Variants in OCA2 observed in about 807,000 individuals in gnomAD.
OCA2 encodes OCA2 melanosomal transmembrane protein, also known as P protein.
Under a neutral mutation model 100.2 loss-of-function variants are expected in OCA2, and 77 were observed. The observed-to-expected ratio is 0.77, with a 90% CI of 0.64 to 0.93. The LOEUF (loss-of-function observed/expected upper bound fraction) is 0.93, where lower values mean the gene tolerates loss of function less well. Ranked by LOEUF, OCA2 falls within the 40% of genes least tolerant of loss-of-function variation. OCA2 has a pLI of 0.00. For synonymous variants in OCA2, 432 were observed against 439.2 expected, an observed-to-expected ratio of 0.98 and a Z score of 0.21; for missense variants, 1,062 against 1,089.1, an observed-to-expected ratio of 0.98 and a Z score of 0.35.
intron 23 of OCA2, among the ~76,000 whole-genome samples, chr15:27,808,568 TAC>T (rs375101036): frequency 7.9e-5 from 12 of 151,940 alleles, no homozygotes; most frequent in African/African-American, 2.4e-4. Context: ...GAACAATCTC[TAC>T]ACTTTAGCGC....
chr15:28,040,355 A>G lies in OCA2; in HGVS notation c.228-8192T>C, dbSNP rs529169098. Among the ~76,000 whole-genome samples, 149 of 152,374 alleles carry G rather than the reference A, an allele frequency of 9.8e-4. 5 individuals are homozygous for G. In the South Asian group the frequency reaches 0.031, roughly 32 times the overall value. ...ATCAAAATTTATGTGGTGCAGTGAA[A>G]GCAGTACTAAAAGGGAAATTTATAG... is the stretch of plus-strand genomic sequence containing the variant. On this transcript the variant is annotated intron_variant, in intron 2 of 23. Coordinates refer to ENST00000354638, the MANE Select transcript of OCA2 (RefSeq NM_000275.3).
intron 6 of OCA2, among the ~76,000 whole-genome samples, chr15:28,020,010 G>A (rs1225963268): frequency 1.3e-5 from 2 of 152,208 alleles, no homozygotes; most frequent in Admixed American, 1.3e-4. Context: ...CTGCGCTGGA[G>A]GACGCAGCAC....
At chr15:27,773,178 G>A (rs2031991454) in intron 23 of OCA2, among the ~76,000 whole-genome samples, 1 of 152,118 alleles carries the variant, frequency 6.6e-6, no homozygotes, top group African/African-American at 2.4e-5. Flanking sequence ...CAGTTTTAAA[G>A]TAGAATCCAG....
chr15:27,782,583 C>A (rs2032599819), intron 23 of OCA2, among the ~76,000 whole-genome samples: 1 of 152,080 alleles, frequency 6.6e-6, no homozygotes, highest in Non-Finnish European at 1.5e-5. Context: ...AAAGAATGCC[C>A]CCTCAAAACT....
chr15:27,865,871 C>T (rs1341900192), intron 21 of OCA2, among the ~76,000 whole-genome samples: 3 of 152,136 alleles, frequency 2.0e-5, no homozygotes, highest in African/African-American at 7.2e-5. Flanking sequence ...ATACTCTCCT[C>T]GTCACTCCCT....
At chr15:27,835,125 T>C (rs2035099284) in intron 23 of OCA2, among the ~76,000 whole-genome samples, 1 of 152,208 alleles carries the variant, frequency 6.6e-6, no homozygotes, top group African/African-American at 2.4e-5. Context: ...GCACATTTCT[T>C]TGGGCCTTTG....
At chr15:27,922,706 T>A (rs1166279507) in intron 19 of OCA2, among the ~76,000 whole-genome samples, 4 of 151,818 alleles carry the variant, frequency 2.6e-5, no homozygotes, top group Non-Finnish European at 4.4e-5. Flanking sequence ...TGTGTGTGTG[T>A]GTGTGTGTGT....
chr15:27,926,138 C>G lies in OCA2; in HGVS notation c.2068G>C (p.Val690Leu). The change falls in exon 19 of 24, where the codon GTT becomes CTT. Residue 690 changes from valine (V) to leucine (L), a missense_variant. By Grantham distance (32) the Val-to-Leu change is conservative. Transcript: ENST00000354638. The stretch of plus-strand genomic sequence containing the variant: ...TTCTAAAATCTTACCTCCATCAGAA[C>G]AAAGAGCGCTGCAAAAAACAGAAGG... ...ATLLFFAALF[V>L]LMEALAHLHL... 1 of 1,614,090 alleles carries G rather than the reference C, an allele frequency of 6.2e-7. No individual in the cohort carries two copies.
At chr15:27,968,846 C>A (rs1200625608) in intron 14 of OCA2, among the ~76,000 whole-genome samples, 1 of 152,156 alleles carries the variant, frequency 6.6e-6, no homozygotes, top group Non-Finnish European at 1.5e-5. Context: ...GAATTCACCA[C>A]TTTCCCGATA....
rs112354538 is a variant in OCA2, at chr15:28,012,373, C to T, written c.1044+2403G>A. 7.9e-3 allele frequency among the ~76,000 whole-genome samples: 1,206 copies of T among 151,984 alleles called. 20 individuals carry two copies. Among genetic ancestry groups the T allele is most frequent in the African/African-American group, 0.028 (1,146 of 41,438 alleles). On this transcript the variant is annotated intron_variant, in intron 9 of 23. Transcript: ENST00000354638. ...GACCTACTGAAAGATTGCCAGGGAACGGATGGGCTGCATGGGGAGGCAGCC... is the reference window on the plus strand; with the variant it reads ...GACCTACTGAAAGATTGCCAGGGAATGGATGGGCTGCATGGGGAGGCAGCC...
At chr15:28,064,900 TG>T (rs1173611798) in intron 2 of OCA2, among the ~76,000 whole-genome samples, 1 of 151,698 alleles carries the variant, frequency 6.6e-6, no homozygotes, top group Non-Finnish European at 1.5e-5. Flanking sequence ...TTGTTGTTGG[TG>T]GCAGTGGTTG....
At chr15:27,771,414 G>A (rs2031847937) in intron 23 of OCA2, among the ~76,000 whole-genome samples, 1 of 145,432 alleles carries the variant, frequency 6.9e-6, no homozygotes, top group African/African-American at 2.6e-5. Context: ...ATACAGCCGC[G>A]CACGGAAATC....
At chr15:27,848,793 C>A (rs2035629323) in intron 22 of OCA2, among the ~76,000 whole-genome samples, 1 of 152,268 alleles carries the variant, frequency 6.6e-6, no homozygotes, top group South Asian at 2.1e-4. Context: ...ATGGACATTC[C>A]CTTTGTCGAG....
intron 23 of OCA2, among the ~76,000 whole-genome samples, chr15:27,763,806 T>C (rs1156847193): frequency 6.6e-6 from 1 of 152,138 alleles, no homozygotes; most frequent in Non-Finnish European, 1.5e-5. Flanking sequence ...CCTGGCCAAA[T>C]GTAGGTGACA....
intron 23 of OCA2, among the ~76,000 whole-genome samples, chr15:27,822,354 T>C (rs2034539859): frequency 6.6e-6 from 1 of 152,238 alleles, no homozygotes; most frequent in East Asian, 1.9e-4. Flanking sequence ...TCCATGCTGC[T>C]ATATATTGTA....
the OCA2 span, among the ~76,000 whole-genome samples, chr15:27,725,672 C>T: frequency 6.6e-6 from 1 of 152,150 alleles, no homozygotes; most frequent in African/African-American, 2.4e-5. Context: ...TTTAAAGGCC[C>T]TTACTTTTCA....
intron 23 of OCA2, among the ~76,000 whole-genome samples, chr15:27,781,932 T>C (rs2032563720): frequency 6.6e-6 from 1 of 152,218 alleles, no homozygotes; most frequent in Non-Finnish European, 1.5e-5. Context: ...ACTCCTTTAT[T>C]ATATGTTTTT....
At chr15:27,735,774 C>G in the OCA2 span, among the ~76,000 whole-genome samples, 2 of 152,034 alleles carry the variant, frequency 1.3e-5, no homozygotes, top group African/African-American at 2.4e-5. Context: ...ACCTGCCAAC[C>G]AAGAATCTTG....
In OCA2 at chr15:28,020,098, G is replaced by T. The variant is rs1392556018; in HGVS notation, c.647-1541C>A. ...CATCCAAATTCGAAGGCCACACAGGGAGCAGGCGAGACAGCTCCCCGCCCC... is the reference window on the plus strand; with the variant it reads ...CATCCAAATTCGAAGGCCACACAGGTAGCAGGCGAGACAGCTCCCCGCCCC... On this transcript the variant is annotated intron_variant, in intron 6 of 23. Coordinates refer to ENST00000354638, the MANE Select transcript of OCA2 (RefSeq NM_000275.3). Among the ~76,000 whole-genome samples, 5 of 151,988 alleles carry T rather than the reference G, an allele frequency of 3.3e-5. 1 individual carries two copies. Among genetic ancestry groups the T allele is most frequent in the African/African-American group, 1.2e-4 (5 of 41,388 alleles).
Sources: allele counts gnomAD v4.1 joint callset (sites outside exome capture counted in the v4.1 genomes callset), GRCh38; gene constraint gnomAD v4.1.1; transcripts MANE v1.5; gene names NCBI Gene and HGNC (gene_info 2026-07-23, HGNC 2026-07-21).